Variants in NTRK3 observed in about 807,000 individuals in gnomAD.
The protein encoded by NTRK3 is NT-3 growth factor receptor.
In NTRK3, 24 loss-of-function variants were observed where a neutral mutation model predicts 91.7. That is an observed-to-expected ratio of 0.26 (90% CI 0.19 to 0.37). NTRK3 has a LOEUF of 0.37. Ranked by LOEUF, NTRK3 falls within the 10% of genes least tolerant of loss-of-function variation. NTRK3 has a pLI of 1.00. For missense variants in NTRK3, 880 were observed against 1,068.9 expected (o/e 0.82, Z 2.46); for synonymous variants, 483 against 404.0 (o/e 1.20, Z -2.34).
At chr15:87,931,366 T>C in intron 16 of NTRK3, 1 of 355,034 alleles carries the variant, frequency 2.8e-6, no homozygotes, top group South Asian at 2.2e-5. Flanking sequence ...CTACCATGGT[T>C]CACAATTCTC....
chr15:88,113,299 G>A (rs910832267), intron 13 of NTRK3, among the ~76,000 whole-genome samples: 2 of 145,536 alleles, frequency 1.4e-5, no homozygotes, highest in African/African-American at 5.2e-5. Context: ...TCCCCCACCT[G>A]CTGATCAATT....
intron 17 of NTRK3, among the ~76,000 whole-genome samples, chr15:87,902,797 C>A (rs1567088214): frequency 6.6e-6 from 1 of 152,082 alleles, no homozygotes; most frequent in African/African-American, 2.4e-5. Flanking sequence ...ATGTCTATTT[C>A]TAGAAATGAA....
chr15:88,255,876 G>A lies in NTRK3; in HGVS notation c.248+30C>T. 4 of 1,588,224 alleles carry A rather than the reference G, an allele frequency of 2.5e-6. No homozygotes were observed. Among genetic ancestry groups the A allele is most frequent in the Non-Finnish European group, 3.4e-6 (4 of 1,163,262 alleles). ...GGAGGGAGACGCAGAGCGCGGGGGAGGCAGGCTGGGGAGCGGCCGCCTGAC... is the reference window on the plus strand; with the variant it reads ...GGAGGGAGACGCAGAGCGCGGGGGAAGCAGGCTGGGGAGCGGCCGCCTGAC... On this transcript the variant is annotated intron_variant, in intron 3 of 18. Transcript: ENST00000394480. The surrounding 1 kb of genome is among the most constrained non-coding windows in gnomAD (Gnocchi z 4.3).
At chr15:88,173,581 G>A (rs1322954137) in intron 5 of NTRK3, among the ~76,000 whole-genome samples, 1 of 152,220 alleles carries the variant, frequency 6.6e-6, no homozygotes, top group African/African-American at 2.4e-5. Flanking sequence ...GTAGGCTAAG[G>A]GGCATTGCCC....
intron 5 of NTRK3, among the ~76,000 whole-genome samples, chr15:88,166,106 A>G (rs1440731139): frequency 6.6e-6 from 1 of 152,134 alleles, no homozygotes; most frequent in African/African-American, 2.4e-5. Flanking sequence ...GCCCCATTCA[A>G]CAGTAACAGA....
chr15:87,979,817 G>A (rs1173349841), intron 14 of NTRK3, among the ~76,000 whole-genome samples: 1 of 152,134 alleles, frequency 6.6e-6, no homozygotes, highest in Non-Finnish European at 1.5e-5. Flanking sequence ...TGAGCTGAGG[G>A]GTGTGTCGGA....
intron 13 of NTRK3, among the ~76,000 whole-genome samples, chr15:88,047,222 T>C (rs1209122183): frequency 1.3e-5 from 2 of 152,214 alleles, no homozygotes; most frequent in Non-Finnish European, 2.9e-5. Context: ...TGAACAGGTG[T>C]GTAAGGAGAA....
At chr15:87,886,719 CAT>C (rs1370046987) in intron 17 of NTRK3, among the ~76,000 whole-genome samples, 10 of 103,998 alleles carry the variant, frequency 9.6e-5, no homozygotes, top group South Asian at 2.9e-4. Context: ...CACACACACA[CAT>C]ACACACACAC....
intron 13 of NTRK3, among the ~76,000 whole-genome samples, chr15:88,087,295 T>C (rs2048588946): frequency 6.6e-6 from 1 of 152,002 alleles, no homozygotes; most frequent in Non-Finnish European, 1.5e-5. Flanking sequence ...CAATCTCCAC[T>C]AGGTCTTTCT....
At chr15:88,211,642 G>A (rs1361225883) in intron 3 of NTRK3, among the ~76,000 whole-genome samples, 1 of 152,252 alleles carries the variant, frequency 6.6e-6, no homozygotes. Flanking sequence ...TGTGTTAACA[G>A]GAGTCCAAGG....
At chr15:88,080,639 C>T (rs1033366094) in intron 13 of NTRK3, among the ~76,000 whole-genome samples, 7 of 152,198 alleles carry the variant, frequency 4.6e-5, no homozygotes, top group Non-Finnish European at 8.8e-5. Context: ...TACAGGAAGT[C>T]CCAGTAGGTT....
At chr15:87,906,979 G>A (rs2066806791) in intron 17 of NTRK3, among the ~76,000 whole-genome samples, 1 of 152,198 alleles carries the variant, frequency 6.6e-6, no homozygotes, top group South Asian at 2.1e-4. Context: ...TGGATAAAAT[G>A]ACTGTATGCC....
At chr15:88,252,233 A>G (rs946745551) in intron 3 of NTRK3, among the ~76,000 whole-genome samples, 15 of 151,900 alleles carry the variant, frequency 9.9e-5, no homozygotes, top group African/African-American at 3.6e-4. Context: ...GAGCCCCATG[A>G]TGCCTTTGGG....
At chr15:88,078,820 A>G (rs992421867) in intron 13 of NTRK3, among the ~76,000 whole-genome samples, 8 of 152,210 alleles carry the variant, frequency 5.3e-5, no homozygotes, top group African/African-American at 1.9e-4. Flanking sequence ...CTAAGGGAAG[A>G]TGTTCTTCTA....
chr15:87,937,438 T>C (rs553142929), intron 15 of NTRK3, among the ~76,000 whole-genome samples: 12 of 152,248 alleles, frequency 7.9e-5, no homozygotes, highest in African/African-American at 2.9e-4. Flanking sequence ...GGGAAAATAG[T>C]AAAAATCCGA....
intron 13 of NTRK3, among the ~76,000 whole-genome samples, chr15:88,094,379 G>C (rs1259475779): frequency 1.4e-5 from 2 of 145,988 alleles, no homozygotes; most frequent in Non-Finnish European, 3.0e-5. Flanking sequence ...TGAGGCAGGA[G>C]AATGGCGTGA....
intron 13 of NTRK3, among the ~76,000 whole-genome samples, chr15:88,079,892 TA>T (rs890311695): frequency 2.6e-5 from 4 of 152,228 alleles, no homozygotes; most frequent in Non-Finnish European, 5.9e-5. Flanking sequence ...ATGGCTGGCA[TA>T]TATCTTTCCA....
intron 17 of NTRK3, among the ~76,000 whole-genome samples, chr15:87,894,975 T>C (rs1329063379): frequency 1.3e-5 from 2 of 152,212 alleles, no homozygotes; most frequent in Admixed American, 1.3e-4. Context: ...TCTCTCCAGA[T>C]ATCATCTGGA....
chr15:87,948,896 A>G (rs1310729606), intron 14 of NTRK3, among the ~76,000 whole-genome samples: 1 of 152,044 alleles, frequency 6.6e-6, no homozygotes, highest in African/African-American at 2.4e-5. Flanking sequence ...CCTTCTCTGG[A>G]TTAGGGCTTC....
Sources: allele counts gnomAD v4.1 joint callset (sites outside exome capture counted in the v4.1 genomes callset), GRCh38; gene constraint gnomAD v4.1.1; non-coding constraint Gnocchi (gnomAD v3.1); transcripts MANE v1.5; gene names NCBI Gene and HGNC (gene_info 2026-07-23, HGNC 2026-07-21).